The following LRRN2 variants were observed in gnomAD, a reference collection of about 807,000 sequenced individuals.
LRRN2 encodes leucine-rich repeat neuronal protein 2.
A neutral mutation model predicts 35.7 loss-of-function variants in LRRN2; 10 were observed. The ratio of observed to expected loss-of-function variants is 0.28; its 90% CI spans 0.17 to 0.47. LRRN2 has a LOEUF of 0.47. LRRN2 is among the 20% of genes least tolerant of loss of function. The pLI is 0.99. For synonymous variants in LRRN2, 391 were observed against 409.6 expected (o/e 0.95, Z 0.55); for missense variants, 731 against 940.3 (o/e 0.78, Z 2.91).
At chr1:204,626,480 T>TC (rs1201042443) in intron 1 of LRRN2, among the ~76,000 whole-genome samples, 1 of 151,678 alleles carries the variant, frequency 6.6e-6, no homozygotes, top group Admixed American at 6.6e-5. Flanking sequence ...TTTCCCAACT[T>TC]CAACTATTCA....
At position 204,618,460 on chromosome 1, in the gene LRRN2, A is replaced by G; in HGVS notation, c.1533T>C (p.Ser511=). ...NLVGADTKTV[S]VVVGRALLQP... ...GGAGGAGAGCACGGCCCACAACCAC[A>G]CTAACCGTCTTAGTGTCAGCCCCCA... The change falls in exon 2 of 2, where the codon AGT becomes AGC. Residue 511 remains serine, a synonymous_variant. Transcript: ENST00000367177. 6.2e-7 allele frequency: 1 copy of G among 1,614,138 alleles called. No homozygotes were observed. The highest frequency in any genetic ancestry group is 8.5e-7 in the Non-Finnish European group (1 of 1,179,992).
intron 1 of LRRN2, among the ~76,000 whole-genome samples, chr1:204,681,681 G>A (rs72753894): frequency 6.6e-6 from 1 of 152,180 alleles, no homozygotes. Context: ...GAAAAGATGG[G>A]TTGACTGAAT....
At chr1:204,653,663 C>A (rs1200140429) in intron 1 of LRRN2, among the ~76,000 whole-genome samples, 1 of 152,062 alleles carries the variant, frequency 6.6e-6, no homozygotes, top group East Asian at 1.9e-4. Context: ...GAGTTCAAGA[C>A]CAGCCTGGGC....
intron 1 of LRRN2, among the ~76,000 whole-genome samples, chr1:204,652,278 C>CGCCCCCCA (rs1491177041): frequency 3.8e-5 from 5 of 132,394 alleles, no homozygotes; most frequent in Non-Finnish European, 8.2e-5. Flanking sequence ...CCCGCCCCCC[C>CGCCCCCCA]GCCGCCTTCC....
chr1:204,623,606 A>G (rs1318964543), intron 1 of LRRN2, among the ~76,000 whole-genome samples: 2 of 152,216 alleles, frequency 1.3e-5, no homozygotes, highest in African/African-American at 2.4e-5. Flanking sequence ...ATCACCACCT[A>G]AGGCTGCCTT....
chr1:204,618,979 C>G lies in LRRN2; in HGVS notation c.1014G>C (p.Glu338Asp). The G allele has an allele frequency of 1.9e-6, 3 of 1,613,458 alleles. No homozygotes were observed. The highest frequency in any genetic ancestry group is 2.5e-6 in the Non-Finnish European group (3 of 1,179,510). The change falls in exon 2 of 2, where the codon GAG (glutamate) becomes GAC (aspartate). Residue 338 changes from glutamate to aspartate, a missense_variant. Physicochemically the swap from Glu to Asp is conservative, Grantham distance 45 (BLOSUM62 2). Coordinates refer to ENST00000367177, the MANE Select transcript of LRRN2 (RefSeq NM_201630.2). ...GAGCGTTGTTGTTGAGCATGAGGGT[C>G]TCCATCTGGGGCAGGTGGTGGAAGG... ...PRAFHHLPQMETLMLNNNALS... is the reference protein window; with the variant it reads ...PRAFHHLPQMDTLMLNNNALS...
chr1:204,651,688 G>A (rs1668228240), intron 1 of LRRN2, among the ~76,000 whole-genome samples: 1 of 152,200 alleles, frequency 6.6e-6, no homozygotes, highest in Admixed American at 6.5e-5. Flanking sequence ...TGGGGAATGA[G>A]AGCTTTCAGG....
chr1:204,663,020 T>C (rs887752431), intron 1 of LRRN2, among the ~76,000 whole-genome samples: 1 of 152,202 alleles, frequency 6.6e-6, no homozygotes, highest in Non-Finnish European at 1.5e-5. Flanking sequence ...CCAGAACTCA[T>C]GTTTCCTCAA....
rs183226202 is a variant in LRRN2, at chr1:204,624,514, G to A, written c.-226-4296C>T. 3.3e-3 allele frequency among the ~76,000 whole-genome samples: 501 copies of A among 152,304 alleles called. 1 individual carries two copies. The highest frequency in any genetic ancestry group is 6.8e-3 in the Middle Eastern group (2 of 294). On this transcript the variant is annotated intron_variant, in intron 1 of 1. Coordinates refer to ENST00000367177, the MANE Select transcript of LRRN2 (RefSeq NM_201630.2). ...CAAACCCTGTCAGGTCTATGTTCTC[G>A]GGGCTGTTTCTGTGGATTTAGCGGA...
chr1:204,666,962 C>CAAA lies in LRRN2; in HGVS notation c.-227+18355_-227+18357dup, dbSNP rs34503593. Reference sequence around the variant, plus strand: ...GGATGCCAGAGTGAAACTCTGTCTCCAAAAAAAAAAAAAAAAAAAAAAAAG... The same window carrying CAAA: ...GGATGCCAGAGTGAAACTCTGTCTCCAAAAAAAAAAAAAAAAAAAAAAAAAAAG... On this transcript the variant is annotated intron_variant, in intron 1 of 1. Coordinates refer to ENST00000367177, the MANE Select transcript of LRRN2 (RefSeq NM_201630.2). Among the ~76,000 whole-genome samples, 535 of 64,640 alleles carry CAAA rather than the reference C, an allele frequency of 8.3e-3. 2 individuals are homozygous for CAAA. The highest frequency in any genetic ancestry group is 0.031 in the East Asian group (61 of 1,972). The allele number at this position is 64,640 out of a possible 152,430, so 42.4% of individuals were successfully genotyped here. A position where few individuals can be genotyped will look rare whatever the true frequency, so the allele number is the denominator to read the frequency against.
chr1:204,621,645 C>G (rs947388401), intron 1 of LRRN2: 1 of 167,104 alleles, frequency 6.0e-6, no homozygotes, highest in African/African-American at 2.4e-5. Flanking sequence ...AGACATCACC[C>G]CTGCAATCAA....
chr1:204,639,017 C>T (rs1284806426), intron 1 of LRRN2, among the ~76,000 whole-genome samples: 1 of 152,236 alleles, frequency 6.6e-6, no homozygotes, highest in Non-Finnish European at 1.5e-5. Context: ...AAAGTCTTTC[C>T]CCTGTGAGCA....
chr1:204,653,876 AG>A (rs1346861345), intron 1 of LRRN2, among the ~76,000 whole-genome samples: 13 of 150,388 alleles, frequency 8.6e-5, no homozygotes, highest in African/African-American at 3.0e-4. Context: ...AAAAAAAAAA[AG>A]AAAAACTATT....
intron 1 of LRRN2, among the ~76,000 whole-genome samples, chr1:204,659,218 G>A (rs1008241986): frequency 3.3e-5 from 5 of 152,194 alleles, no homozygotes; most frequent in Non-Finnish European, 7.3e-5. Context: ...TGTATCCCTT[G>A]AGAATGTCAA....
intron 1 of LRRN2, among the ~76,000 whole-genome samples, chr1:204,676,297 C>T (rs1668822778): frequency 6.6e-6 from 1 of 152,196 alleles, no homozygotes; most frequent in South Asian, 2.1e-4. Context: ...GATTCATGAA[C>T]AGTCCCAGAT....
intron 1 of LRRN2, among the ~76,000 whole-genome samples, chr1:204,639,127 C>T (rs765202762): frequency 6.6e-6 from 1 of 152,240 alleles, no homozygotes; most frequent in African/African-American, 2.4e-5. Context: ...GCTGGTCAGC[C>T]TGGCTTGATG....
At chr1:204,658,919 C>T (rs1668413503) in intron 1 of LRRN2, among the ~76,000 whole-genome samples, 1 of 152,210 alleles carries the variant, frequency 6.6e-6, no homozygotes, top group South Asian at 2.1e-4. Context: ...CATGTTTAAA[C>T]AGAAGTCCCT....
chr1:204,638,238 G>A (rs1225021138), intron 1 of LRRN2, among the ~76,000 whole-genome samples: 1 of 151,972 alleles, frequency 6.6e-6, no homozygotes, highest in Non-Finnish European at 1.5e-5. Context: ...CTGGGGCCAG[G>A]CCTCCGACCT....
At chr1:204,652,262 C>A (rs534271815) in intron 1 of LRRN2, among the ~76,000 whole-genome samples, 19 of 19,866 alleles carry the variant, frequency 9.6e-4, no homozygotes, top group Middle Eastern at 0.056. Context: ...TCTTCACCGC[C>A]CCCCCCCCGC....
Sources: gnomAD v4.1 joint callset for allele counts (sites outside exome capture counted in the v4.1 genomes callset) on GRCh38, gnomAD v4.1.1 for gene constraint, MANE v1.5 for transcripts, NCBI Gene and HGNC (gene_info 2026-07-23, HGNC 2026-07-21) for gene names.